The following TBC1D23 variants were observed in gnomAD, a reference collection of about 807,000 sequenced individuals.
TBC1D23 encodes the protein TBC1 domain family member 23.
TBC1D23 carries 55 observed loss-of-function variants against 91.4 expected under a neutral mutation model. The ratio of observed to expected loss-of-function variants is 0.60; its 90% CI spans 0.48 to 0.75. The LOEUF is 0.75. Among genes scored for constraint, TBC1D23 ranks in the 30% least tolerant of loss-of-function variants. The probability of loss-of-function intolerance (pLI) is 0.00; values close to 1 mark genes in which losing one functional copy is unlikely to be tolerated. For missense variants in TBC1D23, 725 were observed against 836.1 expected (o/e 0.87, Z 1.64); for synonymous variants, 289 against 281.0 (o/e 1.03, Z -0.28).
chr3:100,279,178 G>A (rs1014061356), intron 1 of TBC1D23, among the ~76,000 whole-genome samples: 1 of 152,162 alleles, frequency 6.6e-6, no homozygotes, highest in Non-Finnish European at 1.5e-5. Context: ...TATTTCTTCA[G>A]TTGTCCCCTA....
chr3:100,281,594 CTAAA>C (rs1211517515), intron 2 of TBC1D23, 144 bp from the exon 3 acceptor site: 18 of 489,336 alleles, frequency 3.7e-5, no homozygotes, highest in African/African-American at 3.5e-4. Context: ...TGTGACATGA[CTAAA>C]TACTCAACAT....
intron 1 of TBC1D23, among the ~76,000 whole-genome samples, chr3:100,270,938 A>G (rs1196483480): frequency 2.6e-5 from 4 of 152,162 alleles, no homozygotes; most frequent in Non-Finnish European, 5.9e-5. Flanking sequence ...GATTACATAC[A>G]TTATAGACCC....
At chr3:100,311,784 A>T (rs190719809) in intron 14 of TBC1D23, 49 bp from the exon 15 acceptor site, 6 of 1,365,250 alleles carry the variant, frequency 4.4e-6, no homozygotes, top group Non-Finnish European at 6.0e-6. Context: ...AAGCTGTTGC[A>T]TTTTTTTTAT....
At chr3:100,273,286 C>T (rs1196821995) in intron 1 of TBC1D23, among the ~76,000 whole-genome samples, 1 of 151,978 alleles carries the variant, frequency 6.6e-6, no homozygotes, top group Admixed American at 6.6e-5. Flanking sequence ...TCCATTTAAC[C>T]CTGAGTTGAC....
At chr3:100,303,627 T>C (rs1705469989) in intron 11 of TBC1D23, among the ~76,000 whole-genome samples, 1 of 151,960 alleles carries the variant, frequency 6.6e-6, no homozygotes, top group Admixed American at 6.6e-5. Context: ...AAATATTAAC[T>C]GTGTGTGGAT....
chr3:100,297,858 GAA>G, intron 8 of TBC1D23, 63 bp from the exon 9 acceptor site: 1 of 1,378,076 alleles, frequency 7.3e-7, no homozygotes, highest in Non-Finnish European at 1.0e-6. Flanking sequence ...GGTTTAATAA[GAA>G]TATTTTTAGG....
At chr3:100,277,268 A>G (rs186667488) in intron 1 of TBC1D23, among the ~76,000 whole-genome samples, 19 of 152,362 alleles carry the variant, frequency 1.2e-4, no homozygotes, top group African/African-American at 3.8e-4. Flanking sequence ...TTATAAGCAC[A>G]TTTATATTGT....
At chr3:100,306,198 T>C (rs931827229) in intron 12 of TBC1D23, among the ~76,000 whole-genome samples, 2 of 152,204 alleles carry the variant, frequency 1.3e-5, no homozygotes, top group African/African-American at 4.8e-5. Context: ...TATCATCACA[T>C]TGGCGTCAGT....
intron 9 of TBC1D23, among the ~76,000 whole-genome samples, chr3:100,298,535 CA>C (rs1705348225): frequency 6.6e-6 from 1 of 152,058 alleles, no homozygotes; most frequent in Non-Finnish European, 1.5e-5. Flanking sequence ...AGTAGTGCAG[CA>C]GTTAACCATG....
At chr3:100,304,083 TGATGTCTTTTAA>T (rs67257655) in intron 11 of TBC1D23, among the ~76,000 whole-genome samples, 37,052 of 152,038 alleles carry the variant, frequency 0.24, 4,850 homozygotes, top group East Asian at 0.49. Context: ...GACATTTGGT[TGATGTCTTTTAA>T]GTTTCTTTTA....
In TBC1D23 at chr3:100,324,058, GAT is replaced by G. The variant is rs1705912518; in HGVS notation, c.*392_*393del. 1 of 152,172 alleles carries G rather than the reference GAT, an allele frequency of 6.6e-6. No homozygotes were observed. Among genetic ancestry groups the G allele is most frequent in the Non-Finnish European group, 1.5e-5 (1 of 68,022 alleles). 9.4% of individuals were successfully genotyped at this position (152,172 alleles called of 1,614,324 possible). On this transcript the variant is annotated 3_prime_UTR_variant, in exon 19 of 19. Transcript: ENST00000394144. ...TGCAGTGTCTTCACTGAAAATTAGA[GAT>G]AGAATTAGTTGAAGAGACTTCCTTA...
chr3:100,303,744 TG>T (rs1241900570), intron 11 of TBC1D23, among the ~76,000 whole-genome samples: 1 of 152,216 alleles, frequency 6.6e-6, no homozygotes, highest in Non-Finnish European at 1.5e-5. Flanking sequence ...TACTCCAGCC[TG>T]GGTGACAGAG....
At chr3:100,308,574 C>T (rs1705560617) in intron 13 of TBC1D23, among the ~76,000 whole-genome samples, 2 of 151,968 alleles carry the variant, frequency 1.3e-5, no homozygotes, top group South Asian at 4.2e-4. Flanking sequence ...TAGCTGTTAC[C>T]AGAGATAATT....
rs547539848 is a variant in TBC1D23 at position 100,316,336 on chromosome 3, T to G, written c.1687+149T>G. The G allele has an allele frequency of 3.2e-5, 21 of 652,092 alleles. No homozygotes were observed. The Admixed American group carries it at 5.6e-4, about 18-fold the overall frequency. The allele number at this position is 652,092 out of a possible 1,614,324, so 40.4% of individuals were successfully genotyped here. A position where few individuals can be genotyped will look rare whatever the true frequency, so the allele number is the denominator to read the frequency against. On this transcript the variant is annotated intron_variant, in intron 16 of 18. Transcript: ENST00000394144. ...AATCTGTGGCTTTCTATTAAGAGTT[T>G]GGTTTTAGACACCTTGAATTGTTGT... is the stretch of plus-strand genomic sequence containing the variant.
In TBC1D23 at chr3:100,311,850, C is replaced by A. The variant is rs1333228866; in HGVS notation, c.1571C>A (p.Pro524His). Reference protein sequence around the residue: ...TPVDRMSFNLPWPDRSCTERH... With the variant: ...TPVDRMSFNLHWPDRSCTERH... ...TGCTATAGAATGTCTTTCAATCTTCCTTGGCCAGACAGATCATGTACAGAG... is the reference window on the plus strand; with the variant it reads ...TGCTATAGAATGTCTTTCAATCTTCATTGGCCAGACAGATCATGTACAGAG... The change falls in exon 15 of 19, where the codon CCT becomes CAT. Residue 524 changes from proline to histidine, a missense_variant. Physicochemically the swap from Pro to His is moderately conservative, Grantham distance 77 (BLOSUM62 -2). Coordinates refer to ENST00000394144, the MANE Select transcript of TBC1D23 (RefSeq NM_001199198.3). 1 of 1,535,182 alleles carries A rather than the reference C, an allele frequency of 6.5e-7. No individual in the cohort carries two copies.
rs6777791 is a variant in TBC1D23 at position 100,285,826 on chromosome 3, G to A, written c.476+2015G>A. Among the ~76,000 whole-genome samples, 894 of 152,150 alleles carry A rather than the reference G, an allele frequency of 5.9e-3. 12 individuals are homozygous for A. Among genetic ancestry groups the A allele is most frequent in the African/African-American group, 0.021 (864 of 41,522 alleles). On this transcript the variant is annotated intron_variant, in intron 4 of 18. Coordinates refer to ENST00000394144, the MANE Select transcript of TBC1D23 (RefSeq NM_001199198.3). ...TTTCCCTAATGGCTAATGATGTTGA[G>A]CATCTTTTTATGTGTTTATTGGCAA...
intron 16 of TBC1D23, among the ~76,000 whole-genome samples, chr3:100,317,850 A>G (rs1705779266): frequency 6.6e-6 from 1 of 152,156 alleles, no homozygotes; most frequent in Non-Finnish European, 1.5e-5. Flanking sequence ...AACTGAAACT[A>G]TGTGTATCAG....
At chr3:100,295,001 T>C (rs2067825976) in intron 5 of TBC1D23, 86 bp from the exon 6 acceptor site, 20 of 1,277,396 alleles carry the variant, frequency 1.6e-5, no homozygotes, top group Non-Finnish European at 2.1e-5. Context: ...TTTGATATAA[T>C]GTTTCTTATT....
At chr3:100,321,959 AT>A (rs554620954) in intron 18 of TBC1D23, among the ~76,000 whole-genome samples, 11 of 151,710 alleles carry the variant, frequency 7.3e-5, no homozygotes, top group African/African-American at 9.7e-5. Flanking sequence ...ATCTTCTCAG[AT>A]TTTTTTTAAT....
Sources: allele counts gnomAD v4.1 joint callset (sites outside exome capture counted in the v4.1 genomes callset), GRCh38; gene constraint gnomAD v4.1.1; transcripts MANE v1.5; gene names NCBI Gene and HGNC (gene_info 2026-07-23, HGNC 2026-07-21).